Variants in NBAS observed in about 807,000 individuals in gnomAD.
The protein encoded by NBAS is NBAS subunit of NRZ tethering complex.
NBAS carries 219 observed loss-of-function variants against 302.5 expected under a neutral mutation model. The observed-to-expected ratio is 0.72, with a 90% confidence interval of 0.65 to 0.81. NBAS has a LOEUF of 0.81. NBAS is among the 30% of genes least tolerant of loss of function. The probability of loss-of-function intolerance (pLI) is 0.00; values close to 1 mark genes in which losing one functional copy is unlikely to be tolerated. For missense variants in NBAS, 2,932 were observed against 2,841.6 expected (o/e 1.03, Z -0.72); for synonymous variants, 1,118 against 1,021.6 (o/e 1.09, Z -1.80).
the NBAS span, among the ~76,000 whole-genome samples, chr2:14,977,858 T>C: frequency 2.0e-5 from 3 of 152,184 alleles, no homozygotes; most frequent in Admixed American, 1.3e-4. Context: ...AATTCTTCAA[T>C]AGGGATTGTT....
At chr2:15,368,805 G>A (rs1267884940) in intron 31 of NBAS, among the ~76,000 whole-genome samples, 2 of 152,176 alleles carry the variant, frequency 1.3e-5, no homozygotes, top group Non-Finnish European at 2.9e-5. Flanking sequence ...AAGAGTCATC[G>A]TGGAATTCCA....
chr2:15,407,707 C>T (rs1676484319), intron 25 of NBAS, among the ~76,000 whole-genome samples: 1 of 152,100 alleles, frequency 6.6e-6, no homozygotes, highest in Non-Finnish European at 1.5e-5. Flanking sequence ...AATGTCTAGC[C>T]TTATACATTA....
chr2:15,205,622 T>C (rs1572446108), intron 48 of NBAS, among the ~76,000 whole-genome samples: 2 of 152,282 alleles, frequency 1.3e-5, no homozygotes, highest in Non-Finnish European at 2.9e-5. Flanking sequence ...ATTGGCTCTG[T>C]GTCCCCACTC....
rs78194462 is a variant in NBAS at position 15,215,676 on chromosome 2, T to C, written c.6432+3097A>G. Among the ~76,000 whole-genome samples the C allele has an allele frequency of 5.2e-3, 797 of 152,250 alleles. 6 individuals carry two copies. Among genetic ancestry groups the C allele is most frequent in the South Asian group, 1.0e-2 (48 of 4,822 alleles). ...GGGGATCTTCTAGGTGTTTGGGATA[T>C]GGAGATGAAGAGTGGAGTTTAATGT... On this transcript the variant is annotated intron_variant, in intron 48 of 51. Transcript: ENST00000281513.
At chr2:15,323,649 G>A (rs1239213174) in intron 38 of NBAS, among the ~76,000 whole-genome samples, 1 of 151,956 alleles carries the variant, frequency 6.6e-6, no homozygotes, top group Non-Finnish European at 1.5e-5. Flanking sequence ...TGGACAACAC[G>A]AGGAGACTCT....
the NBAS span, among the ~76,000 whole-genome samples, chr2:14,964,930 T>C: frequency 6.6e-6 from 1 of 152,132 alleles, no homozygotes; most frequent in African/African-American, 2.4e-5. Flanking sequence ...AACACACTTC[T>C]GAATACCATA....
At chr2:15,436,646 T>C (rs955676404) in intron 21 of NBAS, among the ~76,000 whole-genome samples, 2 of 152,230 alleles carry the variant, frequency 1.3e-5, no homozygotes, top group Non-Finnish European at 2.9e-5. Context: ...TTTAACTGTG[T>C]CAGTCAATGC....
At chr2:14,788,156 T>G in the NBAS span, among the ~76,000 whole-genome samples, 1 of 152,266 alleles carries the variant, frequency 6.6e-6, no homozygotes, top group African/African-American at 2.4e-5. Context: ...TTCTCGAGGC[T>G]TGGCTTTCAG....
At chr2:14,950,282 G>A in the NBAS span, among the ~76,000 whole-genome samples, 8 of 152,254 alleles carry the variant, frequency 5.3e-5, no homozygotes, top group Admixed American at 5.2e-4. Context: ...TTCCATTCCT[G>A]AGTTACTTCA....
intron 42 of NBAS, among the ~76,000 whole-genome samples, chr2:15,282,504 T>A (rs188021720): frequency 2.3e-4 from 35 of 152,258 alleles, no homozygotes; most frequent in African/African-American, 8.4e-4. Flanking sequence ...TACTAAAGAA[T>A]ATGAAATCAG....
At chr2:15,203,096 GAAT>G (rs966631223) in intron 48 of NBAS, among the ~76,000 whole-genome samples, 19 of 152,156 alleles carry the variant, frequency 1.2e-4, no homozygotes, top group African/African-American at 4.6e-4. Context: ...ATTACTTTGA[GAAT>G]AATATAGTAT....
At chr2:14,918,334 T>C in the NBAS span, among the ~76,000 whole-genome samples, 52 of 133,378 alleles carry the variant, frequency 3.9e-4, 1 homozygote, top group Non-Finnish European at 7.4e-4. Flanking sequence ...AAAAAAACAA[T>C]GTAATGGTGT....
the NBAS span, among the ~76,000 whole-genome samples, chr2:14,855,730 T>C: frequency 1.3e-5 from 2 of 152,144 alleles, no homozygotes; most frequent in African/African-American, 2.4e-5. Flanking sequence ...TTGTGTTGTT[T>C]GACTGCCAGG....
chr2:15,482,983 C>T (rs1680490926), intron 12 of NBAS, among the ~76,000 whole-genome samples: 1 of 152,110 alleles, frequency 6.6e-6, no homozygotes, highest in Admixed American at 6.5e-5. Flanking sequence ...TTTTATACTG[C>T]AGCCATAACC....
chr2:15,394,456 A>T (rs1457614552), intron 27 of NBAS, 107 bp from the exon 28 acceptor site: 4 of 1,194,264 alleles, frequency 3.3e-6, no homozygotes, highest in Non-Finnish European at 4.8e-6. Context: ...AAAAAAAATT[A>T]TCCCATAGTG....
rs1243729534 is a variant in NBAS, at chr2:15,379,583, G to T, written c.3590+19C>A. Reference sequence around the variant, plus strand: ...GACTTTCCCCCTCCATCTTAGGGAAGAATATAGAGTTATTCTACCTGGCTA... The same window carrying T: ...GACTTTCCCCCTCCATCTTAGGGAATAATATAGAGTTATTCTACCTGGCTA... On this transcript the variant is annotated intron_variant, in intron 30 of 51. Transcript: ENST00000281513. 3 of 1,606,540 alleles carry T rather than the reference G, an allele frequency of 1.9e-6. No homozygotes were observed. The highest frequency in any genetic ancestry group is 2.2e-5 in the East Asian group (1 of 44,784).
At chr2:15,412,784 G>C (rs1026172910) in intron 25 of NBAS, among the ~76,000 whole-genome samples, 3 of 152,096 alleles carry the variant, frequency 2.0e-5, no homozygotes, top group African/African-American at 7.2e-5. Context: ...CATGAAGGGG[G>C]GGCTCTTACA....
At chr2:14,949,984 A>G in the NBAS span, among the ~76,000 whole-genome samples, 10 of 152,198 alleles carry the variant, frequency 6.6e-5, no homozygotes, top group African/African-American at 9.6e-5. Flanking sequence ...TTGATAGATC[A>G]ATGGAGTAAC....
chr2:15,457,635 T>A (rs1679309630), intron 21 of NBAS, among the ~76,000 whole-genome samples: 1 of 152,210 alleles, frequency 6.6e-6, no homozygotes, highest in Non-Finnish European at 1.5e-5. Flanking sequence ...CTACTCATCC[T>A]CAATCCCTAC....
Sources: allele counts gnomAD v4.1 joint callset (sites outside exome capture counted in the v4.1 genomes callset), GRCh38; gene constraint gnomAD v4.1.1; transcripts MANE v1.5; gene names NCBI Gene and HGNC (gene_info 2026-07-23, HGNC 2026-07-21).